GCN1: variants seen among roughly 807,000 people sequenced by gnomAD.
GCN1 encodes stalled ribosome sensor GCN1.
Under a neutral mutation model 288.4 loss-of-function variants are expected in GCN1, and 90 were observed. The ratio of observed to expected loss-of-function variants is 0.31; its 90% CI spans 0.26 to 0.37. GCN1 has a LOEUF of 0.37. Among genes scored for constraint, GCN1 ranks in the 10% least tolerant of loss-of-function variants. GCN1 has a pLI of 1.00. For missense variants in GCN1, 2,586 were observed against 3,419.9 expected (o/e 0.76, Z 6.08); for synonymous variants, 1,386 against 1,420.2 (o/e 0.98, Z 0.54).
rs117090516 is a variant in GCN1, at chr12:120,183,751, C to T, written c.318-74G>A. 5.1e-4 allele frequency: 450 copies of T among 878,644 alleles called. 1 individual carries two copies. In the East Asian group the frequency reaches 9.2e-3, roughly 18 times the overall value. The allele number at this position is 878,644 out of a possible 1,614,324, so 54.4% of individuals were successfully genotyped here. A position where few individuals can be genotyped will look rare whatever the true frequency, so the allele number is the denominator to read the frequency against. On this transcript the variant is annotated intron_variant, in intron 4 of 57. Coordinates refer to ENST00000300648, the MANE Select transcript of GCN1 (RefSeq NM_006836.2). ...AGGACGAACACTGTCCCTAAGGCCC[C>T]GCCTGGTAATGCAGGACCCTCCCTT...
rs545250956 is a variant in GCN1, at chr12:120,140,210, C to T, written c.5994+649G>A. 3.9e-5 allele frequency among the ~76,000 whole-genome samples: 6 copies of T among 152,298 alleles called. No individual in the cohort carries two copies. In the South Asian group the frequency reaches 6.2e-4, roughly 16 times the overall value. The stretch of plus-strand genomic sequence containing the variant: ...ACTGGCCACTTGCTTACATTTCTAG[C>T]GGGCCATCCACTTAATTGCTTTGGC... On this transcript the variant is annotated intron_variant, in intron 45 of 57. Coordinates refer to ENST00000300648, the MANE Select transcript of GCN1 (RefSeq NM_006836.2).
intron 22 of GCN1, among the ~76,000 whole-genome samples, chr12:120,160,748 C>T (rs1000196904): frequency 1.3e-5 from 2 of 152,220 alleles, no homozygotes; most frequent in African/African-American, 4.8e-5. Context: ...GGCACTGTTC[C>T]AGATGGCAGG....
At chr12:120,166,341 T>C (rs1178381292) in intron 16 of GCN1, among the ~76,000 whole-genome samples, 1 of 142,378 alleles carries the variant, frequency 7.0e-6, no homozygotes, top group Non-Finnish European at 1.5e-5. Context: ...GAGGTGGAGG[T>C]TGCAATGAGC....
Position 120,131,182 on chromosome 12 carries a change from T to C in GCN1, c.7563+3A>G, listed in dbSNP as rs759450502. The C allele has an allele frequency of 6.2e-7, 1 of 1,614,052 alleles. No homozygotes were observed. Among genetic ancestry groups the C allele is most frequent in the Non-Finnish European group, 8.5e-7 (1 of 1,179,894 alleles). ...CCTATGGGATATGGCCCGAATGCCT[T>C]ACCCTGTCCGCCGTGGCACTGCTCA... On this transcript the variant is annotated splice_donor_region_variant and intron_variant, in intron 55 of 57. Transcript: ENST00000300648.
chr12:120,146,181 C>T (rs1435226339), intron 38 of GCN1, among the ~76,000 whole-genome samples: 1 of 150,076 alleles, frequency 6.7e-6, no homozygotes, highest in Non-Finnish European at 1.5e-5. Context: ...GCAGGAGAAT[C>T]GCTTGAACCC....
chr12:120,180,784 C>A (rs1878631493), intron 5 of GCN1, among the ~76,000 whole-genome samples: 2 of 151,210 alleles, frequency 1.3e-5, no homozygotes, highest in African/African-American at 4.9e-5. Context: ...GTCAGGAGAT[C>A]GAGACCATCC....
intron 11 of GCN1, 39 bp downstream of exon 11, chr12:120,175,707 A>G: frequency 6.3e-7 from 1 of 1,590,028 alleles, no homozygotes; most frequent in Non-Finnish European, 8.5e-7. Flanking sequence ...ACCAGGGGCC[A>G]CGCCTCAACC....
At chr12:120,166,510 C>T (rs910221238) in intron 16 of GCN1, among the ~76,000 whole-genome samples, 3 of 151,712 alleles carry the variant, frequency 2.0e-5, no homozygotes, top group Non-Finnish European at 2.9e-5. Context: ...CAAGACCAGC[C>T]TGGCTAACAC....
Position 120,144,160 on chromosome 12 carries a change from G to T in GCN1, c.5495+146C>A, listed in dbSNP as rs1423686637. 1.2e-6 allele frequency: 1 copy of T among 805,814 alleles called. No individual in the cohort carries two copies. The allele number at this position is 805,814 out of a possible 1,614,324, so 49.9% of individuals were successfully genotyped here. ...CCCAGCTAATTTTTTATTTTTTATA[G>T]AGACAGGGTCTCACTATGTTGCCAG... On this transcript the variant is annotated intron_variant, in intron 42 of 57. Transcript: ENST00000300648. The surrounding 1 kb of genome is among the most constrained non-coding windows in gnomAD (Gnocchi z 4.7).
intron 16 of GCN1, among the ~76,000 whole-genome samples, chr12:120,167,061 C>T (rs543155025): frequency 4.6e-5 from 7 of 151,500 alleles, no homozygotes; most frequent in African/African-American, 9.7e-5. Flanking sequence ...AAAAAGAGGC[C>T]GGGCATGGTG....
rs537177450 is a variant in GCN1, at chr12:120,137,963, C to T, written c.6331G>A (p.Val2111Met). 35 of 1,614,130 alleles carry T rather than the reference C, an allele frequency of 2.2e-5. No individual in the cohort carries two copies. Among genetic ancestry groups the T allele is most frequent in the Admixed American group, 1.0e-4 (6 of 60,026 alleles). The change falls in exon 48 of 58, where the codon GTG becomes ATG. Residue 2111 changes from valine to methionine, a missense_variant. Physicochemically the swap from Val to Met is conservative, Grantham distance 21. Transcript: ENST00000300648. This position sits in a 1 kb window ranked among gnomAD's most constrained non-coding sequence, Gnocchi z 5.2. ...GCCAGCATGACCGCTGGGAGGATCA[C>T]GCCAAGATGACGGGTGAGGGCATCA... ...AGDALTRHLGVILPAVMLALK... is the reference protein window; with the variant it reads ...AGDALTRHLGMILPAVMLALK...
Position 120,179,778 on chromosome 12 carries a change from T to C in GCN1, c.427-828A>G, listed in dbSNP as rs529165484. The stretch of plus-strand genomic sequence containing the variant: ...ATAAATACACAAATGAACATACAAT[T>C]TCAGTGAGGTTTAAGTGCCATGCAG... On this transcript the variant is annotated intron_variant, in intron 5 of 57. Coordinates refer to ENST00000300648, the MANE Select transcript of GCN1 (RefSeq NM_006836.2). Among the ~76,000 whole-genome samples the C allele has an allele frequency of 1.4e-4, 21 of 152,246 alleles. No homozygotes were observed. The South Asian group carries it at 4.4e-3, about 32-fold the overall frequency.
At chr12:120,194,612 GC>G in intron 1 of GCN1, 67 bp downstream of exon 1, 1 of 1,425,800 alleles carries the variant, frequency 7.0e-7, no homozygotes, top group Non-Finnish European at 9.4e-7. Context: ...AGCGAGAGGG[GC>G]CCCGCCCGAC....
intron 16 of GCN1, among the ~76,000 whole-genome samples, chr12:120,166,035 G>A (rs1040646075): frequency 3.3e-5 from 5 of 151,800 alleles, no homozygotes; most frequent in Admixed American, 1.3e-4. Context: ...TGATCTGCCC[G>A]CCTCGGCCTC....
At chr12:120,152,267 A>T (rs1245983848) in intron 33 of GCN1, among the ~76,000 whole-genome samples, 1 of 151,676 alleles carries the variant, frequency 6.6e-6, no homozygotes, top group Non-Finnish European at 1.5e-5. Flanking sequence ...GGCCTTAAGC[A>T]ATCCTCCCAC....
intron 1 of GCN1, among the ~76,000 whole-genome samples, chr12:120,193,901 C>T (rs533541972): frequency 4.2e-4 from 64 of 152,206 alleles, no homozygotes; most frequent in Non-Finnish European, 7.8e-4. Context: ...ACCAAATCAG[C>T]CCAGCTGTCC....
intron 2 of GCN1, among the ~76,000 whole-genome samples, chr12:120,186,947 G>A (rs373106631): frequency 5.3e-5 from 8 of 152,144 alleles, no homozygotes; most frequent in African/African-American, 1.4e-4. Flanking sequence ...TGGAAAGATC[G>A]GTATCACATG....
chr12:120,149,931 A>T lies in GCN1; in HGVS notation c.4422T>A (p.Tyr1474Ter). ...CAGTCCGGGGACTTACCTCACGCAC[A>T]TACTGGTTTCCATCCCCAAAGCACA... ...LLLCFGDGNQ[Y>*]VREAADDCAK... Residue 1474 changes from tyrosine (Y) to a stop codon, truncating the protein, a stop_gained, in exon 35 of 58, where the codon TAT becomes TAA. Transcript: ENST00000300648. LOFTEE classifies it high-confidence loss of function. The T allele has an allele frequency of 6.2e-7, 1 of 1,614,202 alleles. No homozygotes were observed. The highest frequency in any genetic ancestry group is 8.5e-7 in the Non-Finnish European group (1 of 1,180,042).
In GCN1 at chr12:120,163,257, C is replaced by T. The variant is rs1181558690; in HGVS notation, c.1851G>A (p.Val617=). 3.1e-6 allele frequency: 5 copies of T among 1,613,178 alleles called. No individual in the cohort carries two copies. Among genetic ancestry groups the T allele is most frequent in the Non-Finnish European group, 4.2e-6 (5 of 1,179,328 alleles). The change falls in exon 19 of 58, where the codon GTG becomes GTA. Residue 617 remains valine, a splice_region_variant and synonymous_variant. Coordinates refer to ENST00000300648, the MANE Select transcript of GCN1 (RefSeq NM_006836.2). ...ELKTVLSSHK[V]LPLEALVTDA... ...CAGTCACCAAAGCCTCTAAGGGCAGCACCTGTGTGGAGACACATGAGATAA... is the reference window on the plus strand; with the variant it reads ...CAGTCACCAAAGCCTCTAAGGGCAGTACCTGTGTGGAGACACATGAGATAA...
Sources: allele counts gnomAD v4.1 joint callset (sites outside exome capture counted in the v4.1 genomes callset), GRCh38; gene constraint gnomAD v4.1.1; non-coding constraint Gnocchi (gnomAD v3.1); transcripts MANE v1.5; gene names NCBI Gene and HGNC (gene_info 2026-07-23, HGNC 2026-07-21).